The following POMP variants were observed in gnomAD, a reference collection of about 807,000 sequenced individuals.
POMP encodes 2510048O06Rik.
A neutral mutation model predicts 20.6 loss-of-function variants in POMP; 12 were observed. That is an observed-to-expected ratio of 0.58 (90% CI 0.37 to 0.94). POMP has a LOEUF of 0.94. POMP is among the 40% of genes least tolerant of loss of function. The pLI, the probability that POMP is intolerant of heterozygous loss-of-function variation, is 0.01. For missense variants in POMP, 136 were observed against 161.1 expected (o/e 0.84, Z 0.84); for synonymous variants, 53 against 55.0 (o/e 0.96, Z 0.16).
intron 5 of POMP, among the ~76,000 whole-genome samples, chr13:28,675,203 C>T (rs1481265641): frequency 3.3e-5 from 5 of 151,324 alleles, no homozygotes; most frequent in South Asian, 2.1e-4. Context: ...TGCAGTGGCG[C>T]GATCTCGGCT....
chr13:28,663,233 C>A (rs1418211042), intron 2 of POMP, among the ~76,000 whole-genome samples: 3 of 152,140 alleles, frequency 2.0e-5, no homozygotes, highest in Admixed American at 2.0e-4. Flanking sequence ...GGATAACGAC[C>A]TTTCCCCCAT....
chr13:28,664,551 T>C lies in POMP; in HGVS notation c.144T>C (p.Leu48=). ...VKNELLPSHP[L]ELSEKNFQLN... ...ATGAACTTTTGCCTAGTCATCCCCTTGAATTATCAGAAAAAAATGTAAGTA... is the reference window on the plus strand; with the variant it reads ...ATGAACTTTTGCCTAGTCATCCCCTCGAATTATCAGAAAAAAATGTAAGTA... Residue 48 remains leucine, a synonymous_variant, in exon 3 of 6, where the codon CTT becomes CTC. Transcript: ENST00000380842. The C allele has an allele frequency of 1.9e-6, 3 of 1,566,552 alleles. No homozygotes were observed. The highest frequency in any genetic ancestry group is 1.8e-6 in the Non-Finnish European group (2 of 1,138,872).
At position 28,678,263 on chromosome 13, in the gene POMP, A is replaced by G; in HGVS notation, c.*161A>G. On this transcript the variant is annotated 3_prime_UTR_variant, in exon 6 of 6. Coordinates refer to ENST00000380842, the MANE Select transcript of POMP (RefSeq NM_015932.6). ...TTGGAGGGGTCTTTGGTTTACAGCC[A>G]TGTGACAATTAAAAGCACTAAAGGG... 6 of 702,278 alleles carry G rather than the reference A, an allele frequency of 8.5e-6. No individual in the cohort carries two copies. The South Asian group carries it at 9.3e-5, about 11-fold the overall frequency. The allele number at this position is 702,278 out of a possible 1,614,324, so 43.5% of individuals were successfully genotyped here.
chr13:28,676,179 T>C (rs938531495), intron 5 of POMP, among the ~76,000 whole-genome samples: 5 of 152,134 alleles, frequency 3.3e-5, no homozygotes. Context: ...TAATTTTTTG[T>C]ATTTTTACTA....
In POMP at chr13:28,675,110, G is replaced by A. The variant is rs115945407; in HGVS notation, c.358+2678G>A. Among the ~76,000 whole-genome samples, 991 of 151,986 alleles carry A rather than the reference G, an allele frequency of 6.5e-3. 10 individuals are homozygous for A. Among genetic ancestry groups the A allele is most frequent in the African/African-American group, 0.023 (952 of 41,402 alleles). On this transcript the variant is annotated intron_variant, in intron 5 of 5. Coordinates refer to ENST00000380842, the MANE Select transcript of POMP (RefSeq NM_015932.6). ...AATTCATTCCTTGTGTCTCTCTAAG[G>A]TAGCTATTAGGAAAAATCACCTGTT...
chr13:28,667,065 G>T (rs1884462049), intron 3 of POMP, among the ~76,000 whole-genome samples: 1 of 152,134 alleles, frequency 6.6e-6, no homozygotes, highest in African/African-American at 2.4e-5. Context: ...TTCCAAACTG[G>T]ATTATAATCT....
At chr13:28,665,363 A>G (rs1884424236) in intron 3 of POMP, among the ~76,000 whole-genome samples, 1 of 152,224 alleles carries the variant, frequency 6.6e-6, no homozygotes, top group South Asian at 2.1e-4. Context: ...GTCTGCCTAT[A>G]AGAAAGAGTA....
At chr13:28,677,490 G>A (rs1311635338) in intron 5 of POMP, among the ~76,000 whole-genome samples, 1 of 152,156 alleles carries the variant, frequency 6.6e-6, no homozygotes, top group African/African-American at 2.4e-5. Context: ...TCTTTTAGGT[G>A]TATAATCACA....
chr13:28,675,673 A>G (rs542973401), intron 5 of POMP, among the ~76,000 whole-genome samples: 2 of 152,234 alleles, frequency 1.3e-5, no homozygotes, highest in South Asian at 4.1e-4. Context: ...CTGTTCTTGC[A>G]TTGCTATAAA....
At chr13:28,669,411 T>A (rs1041598428) in intron 4 of POMP, among the ~76,000 whole-genome samples, 1 of 152,206 alleles carries the variant, frequency 6.6e-6, no homozygotes, top group East Asian at 1.9e-4. Flanking sequence ...GATCTCATTC[T>A]GTCATCCAGG....
chr13:28,664,398 G>A (rs1437262944), intron 2 of POMP, 111 bp from the exon 3 acceptor site: 2 of 687,798 alleles, frequency 2.9e-6, no homozygotes, highest in East Asian at 2.8e-5. Context: ...GAACAGTTTT[G>A]TCACCCCAAA....
intron 1 of POMP, among the ~76,000 whole-genome samples, chr13:28,659,602 C>T (rs909347690): frequency 6.6e-6 from 1 of 152,186 alleles, no homozygotes; most frequent in Non-Finnish European, 1.5e-5. Flanking sequence ...TCATCTCCCC[C>T]AGCCCCCGCC....
At position 28,672,381 on chromosome 13, in the gene POMP, G is replaced by A; in HGVS notation, c.307G>A (p.Asp103Asn). The change falls in exon 5 of 6, where the codon GAT becomes AAT. Residue 103 changes from aspartate (D) to asparagine (N), a missense_variant. By Grantham distance (23) the Asp-to-Asn change is conservative (BLOSUM62 1). Coordinates refer to ENST00000380842, the MANE Select transcript of POMP (RefSeq NM_015932.6). ...PFLSSSNLSL[D>N]VLRGNDETIG... ...TCTTTCAAGCTCAAATCTTTCACTG[G>A]ATGTTTTGAGGGGTAATGATGAGAC... 1 of 1,611,390 alleles carries A rather than the reference G, an allele frequency of 6.2e-7. No homozygotes were observed. The highest frequency in any genetic ancestry group is 8.5e-7 in the Non-Finnish European group (1 of 1,177,606).
At chr13:28,671,424 A>C (rs1884542862) in intron 4 of POMP, among the ~76,000 whole-genome samples, 1 of 151,200 alleles carries the variant, frequency 6.6e-6, no homozygotes, top group African/African-American at 2.4e-5. Context: ...ATTTGATCCA[A>C]ATATCTTTGC....
chr13:28,673,728 G>A (rs1309391702), intron 5 of POMP, among the ~76,000 whole-genome samples: 1 of 152,170 alleles, frequency 6.6e-6, no homozygotes, highest in Non-Finnish European at 1.5e-5. Flanking sequence ...CTACTAAGGT[G>A]ATAGTTCAGG....
Position 28,672,369 on chromosome 13 carries a change from A to C in POMP, c.295A>C (p.Asn99His). 6.2e-7 allele frequency: 1 copy of C among 1,611,208 alleles called. No homozygotes were observed. Among genetic ancestry groups the C allele is most frequent in the Non-Finnish European group, 8.5e-7 (1 of 1,177,442 alleles). Residue 99 changes from asparagine (N) to histidine (H), a missense_variant, in exon 5 of 6, where the codon AAT becomes CAT. Physicochemically the swap from Asn to His is moderately conservative, Grantham distance 68 (BLOSUM62 1). Transcript: ENST00000380842. ...VQRLPFLSSSNLSLDVLRGND... is the reference protein window; with the variant it reads ...VQRLPFLSSSHLSLDVLRGND... ...GCGTCTTCCATTTCTTTCAAGCTCA[A>C]ATCTTTCACTGGATGTTTTGAGGGG...
intron 1 of POMP, among the ~76,000 whole-genome samples, chr13:28,661,878 C>G (rs555621107): frequency 2.5e-4 from 38 of 152,222 alleles, no homozygotes; most frequent in African/African-American, 9.2e-4. Flanking sequence ...GAATAGTATT[C>G]CCGAGGATGC....
At position 28,664,632 on chromosome 13, in the gene POMP, G is replaced by A. The variant is rs535248634; in HGVS notation, c.162+63G>A. 3.7e-5 allele frequency: 39 copies of A among 1,041,016 alleles called. No homozygotes were observed. The Middle Eastern group carries it at 9.3e-4, about 25-fold the overall frequency. 64.5% of individuals were successfully genotyped at this position (1,041,016 alleles called of 1,614,324 possible). On this transcript the variant is annotated intron_variant, in intron 3 of 5. Coordinates refer to ENST00000380842, the MANE Select transcript of POMP (RefSeq NM_015932.6). ...TAGATAAATACTTTTACTAATATTG[G>A]TTTCATTTTATTAAAACAATTTTGG...
At chr13:28,665,566 T>C (rs1884429233) in intron 3 of POMP, among the ~76,000 whole-genome samples, 1 of 152,124 alleles carries the variant, frequency 6.6e-6, no homozygotes, top group Non-Finnish European at 1.5e-5. Context: ...TGAAAATTGG[T>C]TATAGATGGA....
Sources: allele counts gnomAD v4.1 joint callset (sites outside exome capture counted in the v4.1 genomes callset), GRCh38; gene constraint gnomAD v4.1.1; transcripts MANE v1.5; gene names NCBI Gene and HGNC (gene_info 2026-07-23, HGNC 2026-07-21).